The following SLC7A6OS variants were observed in gnomAD, a reference collection of about 807,000 sequenced individuals.
SLC7A6OS encodes probable RNA polymerase II nuclear localization protein SLC7A6OS.
In SLC7A6OS, 22 loss-of-function variants were observed where a neutral mutation model predicts 34.3. The ratio of observed to expected loss-of-function variants is 0.64; its 90% CI spans 0.46 to 0.92. SLC7A6OS has a LOEUF of 0.92. Among genes scored for constraint, SLC7A6OS ranks in the 40% least tolerant of loss-of-function variants. SLC7A6OS has a pLI of 0.00. For synonymous variants in SLC7A6OS, 199 were observed against 165.0 expected (o/e 1.21, Z -1.58); for missense variants, 434 against 407.7 (o/e 1.06, Z -0.56).
At chr16:68,310,675 G>C in intron 1 of SLC7A6OS, 60 bp downstream of exon 1, 2 of 1,580,684 alleles carry the variant, frequency 1.3e-6, no homozygotes, top group East Asian at 2.3e-5. Context: ...GTCAGGGATC[G>C]GGTTTCGTAC....
rs2043334398 is a variant in SLC7A6OS at position 68,307,289 on chromosome 16, T to C, written c.471+3046A>G. ...CTATTTGACATAATTACTTAGTCAATCAACAGTAGCATTTGTTAATATCAT... is the reference window on the plus strand; with the variant it reads ...CTATTTGACATAATTACTTAGTCAACCAACAGTAGCATTTGTTAATATCAT... On this transcript the variant is annotated intron_variant, in intron 2 of 4. Coordinates refer to ENST00000263997, the MANE Select transcript of SLC7A6OS (RefSeq NM_032178.3). Among the ~76,000 whole-genome samples the C allele has an allele frequency of 2.6e-5, 4 of 152,370 alleles. No individual in the cohort carries two copies. The South Asian group carries it at 8.3e-4, about 32-fold the overall frequency.
chr16:68,307,370 G>A (rs1323091387), intron 2 of SLC7A6OS, among the ~76,000 whole-genome samples: 1 of 152,086 alleles, frequency 6.6e-6, no homozygotes, highest in African/African-American at 2.4e-5. Context: ...AAATCTTGGA[G>A]GTGAGACTAC....
In SLC7A6OS at chr16:68,302,457, A is replaced by G. The variant is rs35736950; in HGVS notation, c.723T>C (p.Asp241=). 0.046 allele frequency: 73,678 copies of G among 1,614,016 alleles called. 1,945 individuals are homozygous for G. Among genetic ancestry groups the G allele is most frequent in the Non-Finnish European group, 0.051 (60,080 of 1,179,944 alleles). The change falls in exon 4 of 5, where the codon GAT becomes GAC. Residue 241 remains aspartate (D), a synonymous_variant. Coordinates refer to ENST00000263997, the MANE Select transcript of SLC7A6OS (RefSeq NM_032178.3). The part of the protein sequence containing the change: ...QEPEDIYDDE[D]DENSENNWRN... ...GCCAGTTATTCTCACTGTTCTCGTC[A>G]TCTTCATCGTCGTAAATGTCCTCTG... is the stretch of plus-strand genomic sequence containing the variant.
Position 68,310,576 on chromosome 16 carries a change from C to T in SLC7A6OS, c.230G>A (p.Arg77His), listed in dbSNP as rs1045506163. The change falls in exon 2 of 5, where the codon CGC becomes CAC. Residue 77 changes from arginine (R) to histidine (H), a missense_variant. Physicochemically the swap from Arg to His is conservative, Grantham distance 29. Coordinates refer to ENST00000263997, the MANE Select transcript of SLC7A6OS (RefSeq NM_032178.3). The stretch of plus-strand genomic sequence containing the variant: ...ACGCTGCTGGCTGTCCCGTGACGGG[C>T]GCAGAACTTCCCGCAGGAGAGGCTG... The part of the protein sequence containing the change: ...PVQPLLREVL[R>H]PSRDSQQRVR... 6.3e-7 allele frequency: 1 copy of T among 1,587,928 alleles called. No individual in the cohort carries two copies. The highest frequency in any genetic ancestry group is 1.3e-5 in the African/African-American group (1 of 74,334).
intron 2 of SLC7A6OS, among the ~76,000 whole-genome samples, chr16:68,306,826 TC>T (rs2043330786): frequency 3.8e-5 from 1 of 26,054 alleles, no homozygotes; most frequent in African/African-American, 1.3e-4. Flanking sequence ...CCATGTGTAT[TC>T]ATTCATTCAT....
intron 2 of SLC7A6OS, among the ~76,000 whole-genome samples, chr16:68,308,784 G>A (rs901093841): frequency 6.6e-6 from 1 of 151,986 alleles, no homozygotes. Context: ...TAGGCGCAGC[G>A]GCTCATGCCT....
chr16:68,310,383 A>G lies in SLC7A6OS; in HGVS notation c.423T>C (p.Leu141=). ...AGNSGFQLLD[L]VHEEGEPEAA... is the part of the protein sequence containing the mutation. ...CTTCAGGTTCTCCCTCCTCGTGGAC[A>G]AGGTCTAACAACTGAAAGCCCGAGT... is the stretch of plus-strand genomic sequence containing the variant. Residue 141 remains leucine (L), a synonymous_variant, in exon 2 of 5, where the codon CTT becomes CTC. Coordinates refer to ENST00000263997, the MANE Select transcript of SLC7A6OS (RefSeq NM_032178.3). 2 of 1,611,194 alleles carry G rather than the reference A, an allele frequency of 1.2e-6. No individual in the cohort carries two copies. The highest frequency in any genetic ancestry group is 3.3e-4 in the Middle Eastern group (2 of 6,052).
chr16:68,306,066 C>T (rs2043324122), intron 2 of SLC7A6OS, among the ~76,000 whole-genome samples: 1 of 151,980 alleles, frequency 6.6e-6, no homozygotes, highest in South Asian at 2.1e-4. Flanking sequence ...AAAAAAGGTA[C>T]AAGACTAGCA....
intron 3 of SLC7A6OS, 60 bp from the exon 4 acceptor site, chr16:68,302,561 GA>G: frequency 6.2e-7 from 1 of 1,607,410 alleles, no homozygotes; most frequent in South Asian, 1.1e-5. Context: ...TGCTCTGGGG[GA>G]AGTTGTTAGC....
chr16:68,306,820 G>C (rs2043330360), intron 2 of SLC7A6OS, among the ~76,000 whole-genome samples: 1 of 119,678 alleles, frequency 8.4e-6, no homozygotes, highest in African/African-American at 3.3e-5. Context: ...CTATGTCCAT[G>C]TGTATTCATT....
At position 68,299,671 on chromosome 16, in the gene SLC7A6OS, AGT is replaced by A. The variant is rs898603247; in HGVS notation, c.*1602_*1603del. The A allele has an allele frequency of 6.6e-6, 1 of 152,180 alleles. No individual in the cohort carries two copies. Among genetic ancestry groups the A allele is most frequent in the African/African-American group, 2.4e-5 (1 of 41,434 alleles). 9.4% of individuals were successfully genotyped at this position (152,180 alleles called of 1,614,324 possible). A position where few individuals can be genotyped will look rare whatever the true frequency, so the allele number is the denominator to read the frequency against. The stretch of plus-strand genomic sequence containing the variant: ...AGCAGGGAGCACATTGTAACAGCAC[AGT>A]GTTTTGTTTTTTTCACCCGGTTGCT... On this transcript the variant is annotated 3_prime_UTR_variant, in exon 5 of 5. Coordinates refer to ENST00000263997, the MANE Select transcript of SLC7A6OS (RefSeq NM_032178.3).
rs1429591739 is a variant in SLC7A6OS at position 68,301,650 on chromosome 16, T to A, written c.800-245A>T. The A allele has an allele frequency of 3.0e-5, 10 of 329,642 alleles. No homozygotes were observed. In the East Asian group the frequency reaches 5.4e-4, roughly 18 times the overall value. The allele number at this position is 329,642 out of a possible 1,614,324, so 20.4% of individuals were successfully genotyped here. ...TCCCCTCCGTGGAGTATTTTGTCAC[T>A]TCTCCCCTCCGTATAGGATTTTTTG... is the stretch of plus-strand genomic sequence containing the variant. On this transcript the variant is annotated intron_variant, in intron 4 of 4. Coordinates refer to ENST00000263997, the MANE Select transcript of SLC7A6OS (RefSeq NM_032178.3).
At position 68,298,994 on chromosome 16, in the gene SLC7A6OS, A is replaced by G. The variant is rs1203458882; in HGVS notation, c.*2281T>C. 1 of 152,634 alleles carries G rather than the reference A, an allele frequency of 6.6e-6. No individual in the cohort carries two copies. The highest frequency in any genetic ancestry group is 1.9e-4 in the East Asian group (1 of 5,200). The allele number at this position is 152,634 out of a possible 1,614,324, so 9.5% of individuals were successfully genotyped here. ...AACCTTGGCCATATATTTGCTCAAT[A>G]AAGATTGAAGGAAGCATGGTCATAG... is the stretch of plus-strand genomic sequence containing the variant. On this transcript the variant is annotated 3_prime_UTR_variant, in exon 5 of 5. Transcript: ENST00000263997.
rs1416645827 is a variant in SLC7A6OS, at chr16:68,310,905, C to T, written c.22G>A (p.Val8Ile). 6.3e-7 allele frequency: 1 copy of T among 1,594,926 alleles called. No homozygotes were observed. The highest frequency in any genetic ancestry group is 8.5e-7 in the Non-Finnish European group (1 of 1,173,424). Residue 8 changes from valine to isoleucine, a missense_variant, in exon 1 of 5, where the codon GTA (valine) becomes ATA (isoleucine). Physicochemically the swap from Val to Ile is conservative, Grantham distance 29. Coordinates refer to ENST00000263997, the MANE Select transcript of SLC7A6OS (RefSeq NM_032178.3). Reference sequence around the variant, plus strand: ...CTGCGCTTCCGCTTCACCCGGAGTACAGCGGTCCTGGCGGCCTCCATAGTG... The same window carrying T: ...CTGCGCTTCCGCTTCACCCGGAGTATAGCGGTCCTGGCGGCCTCCATAGTG... MEAARTA[V>I]LRVKRKRSAE...
chr16:68,302,287 G>C, intron 4 of SLC7A6OS, 94 bp downstream of exon 4: 1 of 1,473,124 alleles, frequency 6.8e-7, no homozygotes, highest in Non-Finnish European at 9.3e-7. Context: ...CTCAATGACA[G>C]AGAAGGAAAG....
chr16:68,306,936 G>A (rs754581129), intron 2 of SLC7A6OS, among the ~76,000 whole-genome samples: 5 of 151,950 alleles, frequency 3.3e-5, no homozygotes, highest in African/African-American at 9.7e-5. Context: ...TTTAACTCCC[G>A]GGCTCAAGTG....
In SLC7A6OS at chr16:68,301,219, C is replaced by A; in HGVS notation, c.*56G>T. On this transcript the variant is annotated 3_prime_UTR_variant, in exon 5 of 5. Coordinates refer to ENST00000263997, the MANE Select transcript of SLC7A6OS (RefSeq NM_032178.3). Reference sequence around the variant, plus strand: ...CAGGATGTCAGCAGGGCAGTTAACTCTGGACTCAGAGCCCTCAAGGGCATG... The same window carrying A: ...CAGGATGTCAGCAGGGCAGTTAACTATGGACTCAGAGCCCTCAAGGGCATG... 1 of 1,584,198 alleles carries A rather than the reference C, an allele frequency of 6.3e-7. No homozygotes were observed. The highest frequency in any genetic ancestry group is 8.6e-7 in the Non-Finnish European group (1 of 1,161,756).
chr16:68,301,550 T>A, intron 4 of SLC7A6OS, 145 bp from the exon 5 acceptor site: 1 of 437,752 alleles, frequency 2.3e-6, no homozygotes, highest in Non-Finnish European at 3.6e-6. Flanking sequence ...TATAGAATTC[T>A]TTTTTTTTTA....
Position 68,298,287 on chromosome 16 carries a change from C to G in SLC7A6OS, c.*2988G>C, listed in dbSNP as rs1198400533. ...TAAGAGGGCTGAAACTTCTGATATT[C>G]AGGTGGATCACCTGAATTCTCTCAG... On this transcript the variant is annotated 3_prime_UTR_variant, in exon 5 of 5. Transcript: ENST00000263997. 6.6e-6 allele frequency: 1 copy of G among 152,648 alleles called. No homozygotes were observed. The highest frequency in any genetic ancestry group is 1.5e-5 in the Non-Finnish European group (1 of 68,034). The allele number at this position is 152,648 out of a possible 1,614,324, so 9.5% of individuals were successfully genotyped here.
Sources: gnomAD v4.1 joint callset for allele counts (sites outside exome capture counted in the v4.1 genomes callset) on GRCh38, gnomAD v4.1.1 for gene constraint, MANE v1.5 for transcripts, NCBI Gene and HGNC (gene_info 2026-07-23, HGNC 2026-07-21) for gene names.